The following CTDSPL2 variants were observed in gnomAD, a reference collection of about 807,000 sequenced individuals.
The protein encoded by CTDSPL2 is CTD small phosphatase-like protein 2.
CTDSPL2 carries 5 observed loss-of-function variants against 60.0 expected under a neutral mutation model. The observed-to-expected ratio is 0.08, with a 90% CI of 0.04 to 0.18. The LOEUF (loss-of-function observed/expected upper bound fraction) is 0.18. CTDSPL2 is among the 10% of genes least tolerant of loss of function. CTDSPL2 has a pLI of 1.00. For missense variants in CTDSPL2, 370 were observed against 548.8 expected, an observed-to-expected ratio of 0.67 and a Z score of 3.26; for synonymous variants, 186 against 189.3, an observed-to-expected ratio of 0.98 and a Z score of 0.14.
chr15:44,467,351 G>A (rs2080717252), intron 2 of CTDSPL2, among the ~76,000 whole-genome samples: 1 of 152,140 alleles, frequency 6.6e-6, no homozygotes. Flanking sequence ...GTATTACCAT[G>A]TTCAGTAGCA....
intron 1 of CTDSPL2, among the ~76,000 whole-genome samples, chr15:44,435,366 T>C (rs1244423358): frequency 1.3e-5 from 2 of 151,782 alleles, no homozygotes; most frequent in African/African-American, 4.8e-5. Flanking sequence ...GGTCAGGAGT[T>C]CAAGACCAGC....
intron 1 of CTDSPL2, among the ~76,000 whole-genome samples, chr15:44,458,720 A>G (rs1220649051): frequency 6.6e-6 from 1 of 152,012 alleles, no homozygotes; most frequent in Non-Finnish European, 1.5e-5. Flanking sequence ...GAGCATGCAC[A>G]CTCCTTGGTG....
chr15:44,430,800 C>T (rs1039799615), intron 1 of CTDSPL2, among the ~76,000 whole-genome samples: 1 of 151,662 alleles, frequency 6.6e-6, no homozygotes, highest in African/African-American at 2.4e-5. Context: ...AGTAAATTGG[C>T]TACAGGGGGT....
chr15:44,499,041 A>G (rs2081346925), intron 7 of CTDSPL2, among the ~76,000 whole-genome samples: 1 of 152,168 alleles, frequency 6.6e-6, no homozygotes, highest in African/African-American at 2.4e-5. Flanking sequence ...GGTTTAACTG[A>G]AAGTTGGCAA....
At chr15:44,428,385 A>G (rs1434374435) in intron 1 of CTDSPL2, among the ~76,000 whole-genome samples, 1 of 152,208 alleles carries the variant, frequency 6.6e-6, no homozygotes, top group East Asian at 1.9e-4. Context: ...AGTGAACCTT[A>G]TTATCCTTAA....
chr15:44,477,517 A>T (rs1487945290), intron 2 of CTDSPL2, among the ~76,000 whole-genome samples: 1 of 151,370 alleles, frequency 6.6e-6, no homozygotes, highest in Non-Finnish European at 1.5e-5. Flanking sequence ...CCTTGGTGAC[A>T]GGGCAAGACC....
At chr15:44,435,864 C>T (rs2079970734) in intron 1 of CTDSPL2, among the ~76,000 whole-genome samples, 2 of 152,076 alleles carry the variant, frequency 1.3e-5, no homozygotes, top group African/African-American at 2.4e-5. Context: ...GCCTCGGCCT[C>T]CCAAAGTGCT....
chr15:44,496,602 G>A, intron 6 of CTDSPL2, 144 bp downstream of exon 6: 1 of 644,242 alleles, frequency 1.6e-6, no homozygotes. Context: ...TGGGTGCAGT[G>A]GCTCATCCCA....
At chr15:44,514,364 A>C (rs1027094574) in intron 8 of CTDSPL2, among the ~76,000 whole-genome samples, 4 of 152,222 alleles carry the variant, frequency 2.6e-5, no homozygotes, top group African/African-American at 9.6e-5. Flanking sequence ...GTATGCTGCT[A>C]TTAGTAAAAA....
At chr15:44,453,939 C>T (rs1001637794) in intron 1 of CTDSPL2, among the ~76,000 whole-genome samples, 3 of 152,048 alleles carry the variant, frequency 2.0e-5, no homozygotes, top group African/African-American at 7.2e-5. Flanking sequence ...GGGTATTTAC[C>T]CAGTAATGGG....
intron 2 of CTDSPL2, among the ~76,000 whole-genome samples, chr15:44,475,535 A>T (rs544089270): frequency 6.6e-6 from 1 of 151,872 alleles, no homozygotes; most frequent in Admixed American, 6.6e-5. Flanking sequence ...GCTACTCGGG[A>T]GGCTGAGGCA....
intron 1 of CTDSPL2, among the ~76,000 whole-genome samples, chr15:44,451,076 A>G (rs1211568563): frequency 1.3e-5 from 2 of 152,004 alleles, no homozygotes; most frequent in Non-Finnish European, 2.9e-5. Flanking sequence ...GGGAGATTTT[A>G]TTTCATGTTT....
intron 11 of CTDSPL2, 152 bp from the exon 12 acceptor site, chr15:44,521,159 T>C (rs528542021): frequency 2.8e-5 from 13 of 472,174 alleles, no homozygotes; most frequent in African/African-American, 1.2e-4. Flanking sequence ...TCTTGCACTA[T>C]TGAGTTGTCA....
chr15:44,452,497 C>T (rs1237580267), intron 1 of CTDSPL2, among the ~76,000 whole-genome samples: 1 of 152,004 alleles, frequency 6.6e-6, no homozygotes, highest in Admixed American at 6.6e-5. Context: ...ATAAGGCTGT[C>T]AGGAATATTT....
intron 1 of CTDSPL2, among the ~76,000 whole-genome samples, chr15:44,456,770 C>A (rs2080451840): frequency 1.4e-5 from 2 of 142,594 alleles, no homozygotes; most frequent in Non-Finnish European, 3.1e-5. Flanking sequence ...TTAGTTACTT[C>A]TTTTCTTCTG....
chr15:44,498,131 A>T (rs748192771), intron 7 of CTDSPL2, among the ~76,000 whole-genome samples: 5 of 152,118 alleles, frequency 3.3e-5, no homozygotes, highest in Non-Finnish European at 5.9e-5. Flanking sequence ...GCATTTTTAA[A>T]ATCTGTTTAC....
intron 7 of CTDSPL2, among the ~76,000 whole-genome samples, chr15:44,499,202 C>T (rs751946735): frequency 5.3e-5 from 8 of 151,788 alleles, no homozygotes; most frequent in South Asian, 2.1e-4. Context: ...GTCAGGAGTT[C>T]GAGACCAGCC....
chr15:44,434,439 G>A (rs1595688703), intron 1 of CTDSPL2, among the ~76,000 whole-genome samples: 1 of 152,162 alleles, frequency 6.6e-6, no homozygotes, highest in Non-Finnish European at 1.5e-5. Context: ...TCTCACCTAG[G>A]CTGGAGTACA....
chr15:44,455,369 G>A (rs1028427594), intron 1 of CTDSPL2, among the ~76,000 whole-genome samples: 4 of 152,182 alleles, frequency 2.6e-5, no homozygotes, highest in African/African-American at 9.7e-5. Context: ...TCTGCAAACA[G>A]GGACAGTTTG....
Sources: allele counts gnomAD v4.1 joint callset (sites outside exome capture counted in the v4.1 genomes callset), GRCh38; gene constraint gnomAD v4.1.1; transcripts MANE v1.5; gene names NCBI Gene and HGNC (gene_info 2026-07-23, HGNC 2026-07-21).